DCAF8: variants seen among roughly 807,000 people sequenced by gnomAD.
The protein encoded by DCAF8 is DDB1 and CUL4 associated factor 8, also known as DDB1- and CUL4-associated factor 8.
In DCAF8, 20 loss-of-function variants were observed where a neutral mutation model predicts 68.0. The ratio of observed to expected loss-of-function variants is 0.29; its 90% confidence interval spans 0.21 to 0.43. DCAF8 has a LOEUF of 0.43. DCAF8 is among the 20% of genes least tolerant of loss of function. The pLI is 1.00. For missense variants in DCAF8, 460 were observed against 771.0 expected, an observed-to-expected ratio of 0.60 and a Z score of 4.78; for synonymous variants, 230 against 276.9, an observed-to-expected ratio of 0.83 and a Z score of 1.68.
intron 3 of DCAF8, among the ~76,000 whole-genome samples, chr1:160,242,102 G>A (rs558850236): frequency 4.6e-5 from 7 of 152,200 alleles, no homozygotes; most frequent in Admixed American, 2.6e-4. Context: ...AAAATTAGCC[G>A]GGCGTGGTGG....
At chr1:160,223,671 G>A (rs1655371634) in intron 10 of DCAF8, among the ~76,000 whole-genome samples, 1 of 152,198 alleles carries the variant, frequency 6.6e-6, no homozygotes, top group Admixed American at 6.5e-5. Flanking sequence ...GTCGAGGCAG[G>A]CGGATCACTT....
At chr1:160,259,492 C>T (rs1191808156) in intron 2 of DCAF8, among the ~76,000 whole-genome samples, 1 of 151,936 alleles carries the variant, frequency 6.6e-6, no homozygotes, top group African/African-American at 2.4e-5. Context: ...GAGATCGCGC[C>T]ACAGCACCCC....
chr1:160,237,925 C>G (rs1024941361), intron 5 of DCAF8, among the ~76,000 whole-genome samples: 3 of 152,186 alleles, frequency 2.0e-5, no homozygotes, highest in African/African-American at 7.2e-5. Flanking sequence ...ATCTTAGTTC[C>G]TTACAACTGA....
intron 2 of DCAF8, 57 bp from the exon 3 acceptor site, chr1:160,244,091 C>A: frequency 8.0e-7 from 1 of 1,247,630 alleles, no homozygotes; most frequent in Non-Finnish European, 1.2e-6. Context: ...GGAAAGAAGA[C>A]AATAGGGACA....
At position 160,217,614 on chromosome 1, in the gene DCAF8, C is replaced by G. The variant is rs766602529; in HGVS notation, c.1772G>C (p.Arg591Pro). ...DTSDEEEGPD[R>P]VQCMPS ...GCCTCAAGATGGCATGCACTGCACC[C>G]GGTCAGGGCCCTCCTCCTCGTCCGA... The change falls in exon 14 of 14, where the codon CGG becomes CCG. Residue 591 changes from arginine to proline, a missense_variant. By Grantham distance (103) the Arg-to-Pro change is moderately radical. Around this residue, in one of 8 missense-constraint regions of DCAF8, gnomAD observed 80 missense variants for 115.1 expected, o/e 0.70. Transcript: ENST00000368074. The G allele has an allele frequency of 1.2e-6, 2 of 1,613,674 alleles. No individual in the cohort carries two copies. Among genetic ancestry groups the G allele is most frequent in the African/African-American group, 2.7e-5 (2 of 74,934 alleles).
At chr1:160,227,749 T>G (rs1655528125) in intron 7 of DCAF8, among the ~76,000 whole-genome samples, 1 of 152,240 alleles carries the variant, frequency 6.6e-6, no homozygotes, top group Non-Finnish European at 1.5e-5. Flanking sequence ...AGTAAGGCCA[T>G]GGCTGTGTTC....
Position 160,218,314 on chromosome 1 carries a change from C to A in DCAF8, c.1677+10G>T, listed in dbSNP as rs1442682997. The A allele has an allele frequency of 6.2e-7, 1 of 1,609,328 alleles. No homozygotes were observed. The highest frequency in any genetic ancestry group is 8.5e-7 in the Non-Finnish European group (1 of 1,175,686). ...ACTCCCTTGGGAATTCATTTCCAAC[C>A]CTAGCTTACCCGGTGATGGCGTCTC... On this transcript the variant is annotated intron_variant, in intron 13 of 13. Transcript: ENST00000368074.
chr1:160,254,501 G>GTT (rs111606935), intron 2 of DCAF8, among the ~76,000 whole-genome samples: 1 of 147,868 alleles, frequency 6.8e-6, no homozygotes, highest in African/African-American at 2.5e-5. Context: ...AAAAGCCCTG[G>GTT]TTTTTTTTTT....
At position 160,262,489 on chromosome 1, in the gene DCAF8, C is replaced by T; in HGVS notation, c.-141G>A. On this transcript the variant is annotated 5_prime_UTR_variant, in exon 1 of 14. Transcript: ENST00000368074. Reference sequence around the variant, plus strand: ...CCACCACCACCGCCTCCGCTCTCTGCGCTTGCGCCTGCGCTGCCACGCTTT... The same window carrying T: ...CCACCACCACCGCCTCCGCTCTCTGTGCTTGCGCCTGCGCTGCCACGCTTT... The T allele has an allele frequency of 2.5e-6, 1 of 400,354 alleles. No homozygotes were observed. Among genetic ancestry groups the T allele is most frequent in the African/African-American group, 2.1e-5 (1 of 48,776 alleles). The allele number at this position is 400,354 out of a possible 1,614,324, so 24.8% of individuals were successfully genotyped here. A position where few individuals can be genotyped will look rare whatever the true frequency, so the allele number is the denominator to read the frequency against.
Position 160,215,867 on chromosome 1 carries a change from A to T in DCAF8, c.*1725T>A, listed in dbSNP as rs908914454. ...ACCTCAGGGAGTAAGTACAGCAGCC[A>T]ACATCTGGTCTCAGAGCTGCTGGGA... On this transcript the variant is annotated 3_prime_UTR_variant, in exon 14 of 14. Transcript: ENST00000368074. 6.6e-6 allele frequency: 1 copy of T among 152,226 alleles called. No individual in the cohort carries two copies. The highest frequency in any genetic ancestry group is 2.4e-5 in the African/African-American group (1 of 41,446). The allele number at this position is 152,226 out of a possible 1,614,324, so 9.4% of individuals were successfully genotyped here. A position where few individuals can be genotyped will look rare whatever the true frequency, so the allele number is the denominator to read the frequency against.
At chr1:160,262,294 G>C (rs1448375560) in intron 1 of DCAF8, 155 bp downstream of exon 1, 2 of 399,310 alleles carry the variant, frequency 5.0e-6, no homozygotes, top group African/African-American at 2.1e-5. Context: ...TCAAGGGAGG[G>C]GGGGTGTCCG....
intron 1 of DCAF8, chr1:160,262,140 C>A (rs990167049): frequency 7.6e-6 from 3 of 392,682 alleles, no homozygotes; most frequent in African/African-American, 6.2e-5. Context: ...AACCAGTACT[C>A]CCAGCGATGA....
chr1:160,259,862 A>T (rs570792513), intron 2 of DCAF8, among the ~76,000 whole-genome samples: 5 of 152,326 alleles, frequency 3.3e-5, no homozygotes, highest in Admixed American at 3.3e-4. Flanking sequence ...ATTTTGAAAT[A>T]TACATACACC....
intron 2 of DCAF8, among the ~76,000 whole-genome samples, chr1:160,253,025 T>C (rs1431710161): frequency 6.6e-6 from 1 of 152,162 alleles, no homozygotes; most frequent in Non-Finnish European, 1.5e-5. Context: ...TCAAACACCT[T>C]GTAAATCATA....
At chr1:160,228,083 T>A (rs1655539517) in intron 7 of DCAF8, among the ~76,000 whole-genome samples, 1 of 113,662 alleles carries the variant, frequency 8.8e-6, no homozygotes, top group Non-Finnish European at 1.7e-5. Context: ...AAATTAAAAT[T>A]TTTTCTTAAT....
intron 6 of DCAF8, among the ~76,000 whole-genome samples, chr1:160,231,927 A>G (rs1258106164): frequency 6.6e-6 from 1 of 152,224 alleles, no homozygotes; most frequent in Non-Finnish European, 1.5e-5. Context: ...ATGGTGGCTC[A>G]TGCCTGTAAT....
chr1:160,218,786 C>A (rs987352084), intron 12 of DCAF8, 63 bp downstream of exon 12: 1 of 1,600,968 alleles, frequency 6.2e-7, no homozygotes, highest in Non-Finnish European at 8.5e-7. Flanking sequence ...CTCCCTATGA[C>A]AATAAGAATC....
intron 2 of DCAF8, among the ~76,000 whole-genome samples, chr1:160,247,046 A>T (rs1370785579): frequency 6.6e-6 from 1 of 152,244 alleles, no homozygotes; most frequent in East Asian, 1.9e-4. Context: ...AACATATTTG[A>T]TTCAAATCCA....
chr1:160,239,624 A>G, intron 4 of DCAF8, 73 bp downstream of exon 4: 1 of 1,613,982 alleles, frequency 6.2e-7, no homozygotes, highest in Non-Finnish European at 8.5e-7. Flanking sequence ...TCAGCTCCCA[A>G]TCCATGCTGC....
Sources: allele counts gnomAD v4.1 joint callset (sites outside exome capture counted in the v4.1 genomes callset), GRCh38; gene constraint gnomAD v4.1.1; regional missense constraint gnomAD v4.1.1; transcripts MANE v1.5; gene names NCBI Gene and HGNC (gene_info 2026-07-23, HGNC 2026-07-21).